Variants in DTNA observed in about 807,000 individuals in gnomAD.
DTNA encodes the protein dystrobrevin alpha.
DTNA carries 43 observed loss-of-function variants against 100.7 expected under a neutral mutation model. The ratio of observed to expected loss-of-function variants is 0.43; its 90% CI spans 0.33 to 0.55. The LOEUF is 0.55. Ranked by LOEUF, DTNA falls within the 20% of genes least tolerant of loss-of-function variation. DTNA has a pLI of 0.04. For missense variants in DTNA, 798 were observed against 953.9 expected (o/e 0.84, Z 2.15); for synonymous variants, 349 against 347.9 (o/e 1.00, Z -0.04).
In DTNA at chr18:34,852,232, A is replaced by G. The variant is rs114141613; in HGVS notation, c.1532+304A>G. ...TACTTAATTTTGTTCAAGAGCTTCT[A>G]GTACAGGAGGACCCTCCTGGGTACT... On this transcript the variant is annotated intron_variant, in intron 15 of 22. Transcript: ENST00000444659. Among the ~76,000 whole-genome samples, 1,235 of 152,264 alleles carry G rather than the reference A, an allele frequency of 8.1e-3. 18 individuals are homozygous for G. Among genetic ancestry groups the G allele is most frequent in the African/African-American group, 0.027 (1,105 of 41,550 alleles).
chr18:34,722,268 A>C (rs1314122058), intron 1 of DTNA, among the ~76,000 whole-genome samples: 1 of 152,224 alleles, frequency 6.6e-6, no homozygotes, highest in East Asian at 1.9e-4. Flanking sequence ...ATCACAATTA[A>C]GTTGAACTAT....
At chr18:34,824,210 T>C (rs1440014209) in intron 9 of DTNA, among the ~76,000 whole-genome samples, 1 of 152,222 alleles carries the variant, frequency 6.6e-6, no homozygotes, top group Non-Finnish European at 1.5e-5. Flanking sequence ...GCACAGTGGC[T>C]CACGCCTGTA....
chr18:34,825,652 C>T (rs1334020486), intron 9 of DTNA, among the ~76,000 whole-genome samples: 1 of 152,180 alleles, frequency 6.6e-6, no homozygotes, highest in African/African-American at 2.4e-5. Context: ...CAAAGTTCAA[C>T]ATTTCAGTGG....
chr18:34,554,499 T>C (rs1176464856), intron 1 of DTNA, among the ~76,000 whole-genome samples: 2 of 150,806 alleles, frequency 1.3e-5, no homozygotes, highest in African/African-American at 4.9e-5. Context: ...TAGTATGATA[T>C]TGGCTGTGGG....
chr18:34,623,171 C>A (rs1352523614), intron 1 of DTNA, among the ~76,000 whole-genome samples: 1 of 152,156 alleles, frequency 6.6e-6, no homozygotes, highest in African/African-American at 2.4e-5. Context: ...AACCTCATAA[C>A]CTTGCCAGTA....
At chr18:34,714,974 G>A (rs866947387) in intron 1 of DTNA, among the ~76,000 whole-genome samples, 12 of 149,152 alleles carry the variant, frequency 8.0e-5, no homozygotes, top group South Asian at 2.1e-4. Flanking sequence ...ACCAAACACC[G>A]CATATTCTCA....
intron 15 of DTNA, among the ~76,000 whole-genome samples, chr18:34,853,668 A>C (rs566174082): frequency 2.6e-5 from 4 of 152,288 alleles, no homozygotes; most frequent in Admixed American, 2.6e-4. Context: ...AAATTTAAAA[A>C]TAAAATTAAA....
At chr18:34,866,939 C>T (rs2096711713) in intron 17 of DTNA, 2 of 1,164,128 alleles carry the variant, frequency 1.7e-6, no homozygotes, top group Admixed American at 4.6e-5. Flanking sequence ...CTGTCTGAAC[C>T]TGTGGTCAGG....
chr18:34,610,687 T>A (rs1032212585), intron 1 of DTNA, among the ~76,000 whole-genome samples: 17 of 152,224 alleles, frequency 1.1e-4, no homozygotes, highest in African/African-American at 4.1e-4. Flanking sequence ...TGGCCTTTTA[T>A]GCATTTAGGC....
intron 9 of DTNA, among the ~76,000 whole-genome samples, chr18:34,827,087 C>A (rs940243408): frequency 6.6e-5 from 10 of 152,172 alleles, no homozygotes; most frequent in African/African-American, 2.4e-4. Flanking sequence ...TCACTTAGAA[C>A]AAAGGCAAAT....
chr18:34,512,742 G>T (rs987530037), intron 1 of DTNA, among the ~76,000 whole-genome samples: 1 of 151,944 alleles, frequency 6.6e-6, no homozygotes, highest in East Asian at 1.9e-4. Context: ...TAAAAACATG[G>T]TATATCCTTG....
chr18:34,786,628 C>A (rs1478919789), intron 3 of DTNA, among the ~76,000 whole-genome samples: 1 of 152,146 alleles, frequency 6.6e-6, no homozygotes, highest in Admixed American at 6.5e-5. Context: ...TATACACACA[C>A]ACACACAAAA....
chr18:34,833,297 T>A (rs1277396468), intron 11 of DTNA, among the ~76,000 whole-genome samples: 2 of 152,134 alleles, frequency 1.3e-5, no homozygotes, highest in Non-Finnish European at 2.9e-5. Flanking sequence ...TTCACTGAAG[T>A]AAAATTATTG....
At chr18:34,505,371 A>G (rs1234362053) in intron 1 of DTNA, among the ~76,000 whole-genome samples, 1 of 152,176 alleles carries the variant, frequency 6.6e-6, no homozygotes, top group Non-Finnish European at 1.5e-5. Flanking sequence ...CATTCTCCTT[A>G]TCTGAAGAGT....
chr18:34,619,455 T>G (rs890061369), intron 1 of DTNA, among the ~76,000 whole-genome samples: 2 of 152,146 alleles, frequency 1.3e-5, no homozygotes, highest in East Asian at 3.9e-4. Flanking sequence ...AAGGAAAAAT[T>G]AGAGCCTAAT....
chr18:34,575,636 C>T (rs964865012), intron 1 of DTNA, among the ~76,000 whole-genome samples: 5 of 152,102 alleles, frequency 3.3e-5, no homozygotes, highest in African/African-American at 9.7e-5. Flanking sequence ...GATTTTTCAT[C>T]GAAATTTTTC....
At chr18:34,523,664 A>G (rs1601460937) in intron 1 of DTNA, among the ~76,000 whole-genome samples, 1 of 152,180 alleles carries the variant, frequency 6.6e-6, no homozygotes, top group East Asian at 1.9e-4. Flanking sequence ...GAGGTAAGTA[A>G]GGCAGGCCTG....
intron 3 of DTNA, among the ~76,000 whole-genome samples, chr18:34,774,135 T>G (rs1017578746): frequency 6.6e-6 from 1 of 152,264 alleles, no homozygotes; most frequent in East Asian, 1.9e-4. Flanking sequence ...AATGCTCCTG[T>G]CAGTTGGGAA....
chr18:34,609,585 A>G (rs183565384), intron 1 of DTNA, among the ~76,000 whole-genome samples: 1 of 152,264 alleles, frequency 6.6e-6, no homozygotes, highest in African/African-American at 2.4e-5. Context: ...GCTCAGTTGT[A>G]TTAATGATCC....
Sources: allele counts gnomAD v4.1 joint callset (sites outside exome capture counted in the v4.1 genomes callset), GRCh38; gene constraint gnomAD v4.1.1; transcripts MANE v1.5; gene names NCBI Gene and HGNC (gene_info 2026-07-23, HGNC 2026-07-21).